MSH3: variants seen among roughly 807,000 people sequenced by gnomAD.
The protein encoded by MSH3 is DNA mismatch repair protein Msh3.
In MSH3, 106 loss-of-function variants were observed where a neutral mutation model predicts 123.3. The observed-to-expected ratio is 0.86, with a 90% CI of 0.73 to 1.01. The LOEUF is 1.01. Ranked by LOEUF, MSH3 falls within the 50% of genes least tolerant of loss-of-function variation. The pLI, the probability that MSH3 is intolerant of heterozygous loss-of-function variation, is 0.00. For missense variants in MSH3, 1,459 were observed against 1,347.6 expected (o/e 1.08, Z -1.29); for synonymous variants, 515 against 481.4 (o/e 1.07, Z -0.91).
At chr5:80,870,644 T>C (rs1746196863) in intron 22 of MSH3, among the ~76,000 whole-genome samples, 2 of 152,150 alleles carry the variant, frequency 1.3e-5, no homozygotes, top group African/African-American at 2.4e-5. Flanking sequence ...TCTGAGTGAG[T>C]TGGCATTCTT....
rs1416322705 is a variant in MSH3, at chr5:80,654,961, C to A, written c.234C>A (p.His78Gln). ...CCTTCCCGCCCCAGCTGCCGCCGCA[C>A]ATAGTAGGTTCTGTCTGGGACTGGG... The part of the protein sequence containing the change: ...APAFPPQLPP[H>Q]IATEIDRRKK... Residue 78 changes from histidine to glutamine, a missense_variant, in exon 1 of 24, where the codon CAC becomes CAA. By Grantham distance (24) the His-to-Gln change is conservative. Transcript: ENST00000265081. 3.4e-6 allele frequency: 5 copies of A among 1,475,248 alleles called. No individual in the cohort carries two copies. The highest frequency in any genetic ancestry group is 3.6e-6 in the Non-Finnish European group (4 of 1,113,654). The allele number at this position is 1,475,248 out of a possible 1,614,324, so 91.4% of individuals were successfully genotyped here. A position where few individuals can be genotyped will look rare whatever the true frequency, so the allele number is the denominator to read the frequency against.
intron 11 of MSH3, 121 bp from the exon 12 acceptor site, chr5:80,744,385 A>G: frequency 1.4e-6 from 1 of 695,924 alleles, no homozygotes. Flanking sequence ...CATTAAATGA[A>G]CACCTGTTAT....
At chr5:80,731,720 A>G (rs1743416296) in intron 10 of MSH3, among the ~76,000 whole-genome samples, 1 of 152,194 alleles carries the variant, frequency 6.6e-6, no homozygotes, top group Non-Finnish European at 1.5e-5. Context: ...GATCATTCTA[A>G]AAGAGTAATT....
rs557648087 is a variant in MSH3 at position 80,714,718 on chromosome 5, TA to T, written c.1341-10733del. 5.8e-4 allele frequency among the ~76,000 whole-genome samples: 89 copies of T among 152,334 alleles called. 1 individual carries two copies. Among genetic ancestry groups the T allele is most frequent in the African/African-American group, 2.1e-3 (88 of 41,596 alleles). On this transcript the variant is annotated intron_variant, in intron 8 of 23. Transcript: ENST00000265081. The stretch of plus-strand genomic sequence containing the variant: ...TCAAACAAAATTTTAATTAGAACTG[TA>T]ATTGAGTAACCAGCTGCCTCTTGTG...
intron 20 of MSH3, among the ~76,000 whole-genome samples, chr5:80,819,066 C>T (rs1409012887): frequency 6.6e-6 from 1 of 151,614 alleles, no homozygotes; most frequent in East Asian, 1.9e-4. Flanking sequence ...AGGGTGCAAC[C>T]AATGTCCAGT....
intron 8 of MSH3, among the ~76,000 whole-genome samples, chr5:80,710,889 C>G (rs539884491): frequency 1.2e-4 from 18 of 152,192 alleles, no homozygotes; most frequent in Non-Finnish European, 2.2e-4. Context: ...ATTCCCTCCC[C>G]CTTCGAGTGT....
intron 8 of MSH3, among the ~76,000 whole-genome samples, chr5:80,683,948 C>T (rs891639294): frequency 2.0e-5 from 3 of 150,140 alleles, no homozygotes; most frequent in South Asian, 4.2e-4. Context: ...AAGATTCTTT[C>T]CTCAGTGTAT....
intron 20 of MSH3, among the ~76,000 whole-genome samples, chr5:80,846,797 C>G (rs568668374): frequency 2.2e-4 from 33 of 152,310 alleles, no homozygotes; most frequent in Middle Eastern, 3.4e-3. Flanking sequence ...CAGGAGTGTA[C>G]TGTTTCTTCA....
At chr5:80,869,589 T>G (rs1345605951) in intron 22 of MSH3, among the ~76,000 whole-genome samples, 1 of 151,982 alleles carries the variant, frequency 6.6e-6, no homozygotes, top group Non-Finnish European at 1.5e-5. Flanking sequence ...CTTGAAGATA[T>G]GAGAACTACC....
chr5:80,763,621 A>G (rs1272512306), intron 13 of MSH3, among the ~76,000 whole-genome samples: 1 of 152,214 alleles, frequency 6.6e-6, no homozygotes, highest in African/African-American at 2.4e-5. Flanking sequence ...ATTCACTGAC[A>G]GATGTCAGAG....
At chr5:80,717,040 A>AT (rs1040169550) in intron 8 of MSH3, among the ~76,000 whole-genome samples, 8 of 152,004 alleles carry the variant, frequency 5.3e-5, no homozygotes, top group Admixed American at 1.3e-4. Context: ...ACAGGGTTTC[A>AT]TTTTTTGGGG....
At chr5:80,842,177 G>A (rs1360201512) in intron 20 of MSH3, among the ~76,000 whole-genome samples, 2 of 152,124 alleles carry the variant, frequency 1.3e-5, no homozygotes, top group Non-Finnish European at 2.9e-5. Flanking sequence ...TTTCCCCATT[G>A]CTTGTTTTGT....
At chr5:80,778,995 T>TA (rs1421003921) in intron 17 of MSH3, among the ~76,000 whole-genome samples, 159 bp downstream of exon 17, 9 of 150,148 alleles carry the variant, frequency 6.0e-5, no homozygotes, top group South Asian at 2.1e-4. Context: ...TTTTTTTTTT[T>TA]ACTTTTTTTT....
At chr5:80,809,571 T>C (rs1471219809) in intron 19 of MSH3, among the ~76,000 whole-genome samples, 1 of 152,222 alleles carries the variant, frequency 6.6e-6, no homozygotes, top group Non-Finnish European at 1.5e-5. Context: ...GTCCCTCTCA[T>C]GTGCTTGTTG....
chr5:80,661,853 G>C (rs1256563389), intron 2 of MSH3, among the ~76,000 whole-genome samples: 1 of 152,114 alleles, frequency 6.6e-6, no homozygotes, highest in Non-Finnish European at 1.5e-5. Flanking sequence ...TCTTTTTAAG[G>C]ATTGTTTTTA....
intron 18 of MSH3, among the ~76,000 whole-genome samples, chr5:80,791,589 A>C (rs1239430309): frequency 6.6e-6 from 1 of 151,990 alleles, no homozygotes; most frequent in Non-Finnish European, 1.5e-5. Flanking sequence ...TCTTATTAAA[A>C]TTTGTCATGA....
At chr5:80,874,645 A>G (rs1746275096) in intron 23 of MSH3, among the ~76,000 whole-genome samples, 1 of 152,246 alleles carries the variant, frequency 6.6e-6, no homozygotes, top group Non-Finnish European at 1.5e-5. Flanking sequence ...CAAAGGATAT[A>G]TATACAAGAT....
chr5:80,777,918 A>G (rs1011862684), intron 16 of MSH3, among the ~76,000 whole-genome samples: 10 of 152,170 alleles, frequency 6.6e-5, no homozygotes, highest in Non-Finnish European at 1.0e-4. Flanking sequence ...GCGCTCTCCT[A>G]AGTTTTATTT....
intron 8 of MSH3, among the ~76,000 whole-genome samples, chr5:80,711,189 A>T (rs1435637039): frequency 6.6e-6 from 1 of 152,198 alleles, no homozygotes; most frequent in Non-Finnish European, 1.5e-5. Context: ...TGAACAGCCC[A>T]GCTCTCATTG....
Sources: gnomAD v4.1 joint callset for allele counts (sites outside exome capture counted in the v4.1 genomes callset) on GRCh38, gnomAD v4.1.1 for gene constraint, MANE v1.5 for transcripts, NCBI Gene and HGNC (gene_info 2026-07-23, HGNC 2026-07-21) for gene names.